Variants in NRTN observed in about 807,000 individuals in gnomAD.
NRTN encodes the protein prepro-neurturin.
Under a neutral mutation model 7.5 loss-of-function variants are expected in NRTN, and 3 were observed. The observed-to-expected ratio is 0.40, with a 90% CI of 0.18 to 1.03. The LOEUF (loss-of-function observed/expected upper bound fraction) is 1.03, where lower values mean the gene tolerates loss of function less well. Among genes scored for constraint, NRTN ranks in the 50% least tolerant of loss-of-function variants. NRTN has a pLI of 0.34. For missense variants in NRTN, 310 were observed against 307.0 expected (o/e 1.01, Z -0.07); for synonymous variants, 157 against 146.6 (o/e 1.07, Z -0.51).
At chr19:5,814,324 T>TCTG (rs1274270836) in intron 1 of NRTN, among the ~76,000 whole-genome samples, 1 of 152,158 alleles carries the variant, frequency 6.6e-6, no homozygotes, top group Admixed American at 6.6e-5. Context: ...GGGAAGGGTT[T>TCTG]CTGGTGGAGG....
At chr19:5,814,775 C>T (rs1428349530) in intron 1 of NRTN, among the ~76,000 whole-genome samples, 1 of 152,226 alleles carries the variant, frequency 6.6e-6, no homozygotes, top group African/African-American at 2.4e-5. Flanking sequence ...CCTTCCCCAG[C>T]TGTGGGGATT....
rs778565666 is a variant in NRTN at position 5,827,897 on chromosome 19, C to T, written c.318C>T (p.Arg106=). ...ARLGARPCGL[R]ELEVRVSELG... ...TGGGGGCGCGGCCTTGCGGGCTGCG[C>T]GAGCTGGAGGTGCGCGTGAGCGAGC... The change falls in exon 3 of 3, where the codon CGC becomes CGT. Residue 106 remains arginine, a synonymous_variant. Transcript: ENST00000303212. 1 of 1,400,204 alleles carries T rather than the reference C, an allele frequency of 7.1e-7. No individual in the cohort carries two copies. Among genetic ancestry groups the T allele is most frequent in the Non-Finnish European group, 9.3e-7 (1 of 1,074,098 alleles). 86.7% of individuals were successfully genotyped at this position (1,400,204 alleles called of 1,614,324 possible).
chr19:5,810,757 C>T (rs1331671566), intron 1 of NRTN, among the ~76,000 whole-genome samples: 2 of 151,762 alleles, frequency 1.3e-5, no homozygotes, highest in Non-Finnish European at 2.9e-5. Context: ...GGTGAAACCC[C>T]ATCTCTACTA....
intron 1 of NRTN, among the ~76,000 whole-genome samples, chr19:5,819,356 G>A (rs906956212): frequency 3.3e-5 from 5 of 151,878 alleles, no homozygotes; most frequent in African/African-American, 7.3e-5. Context: ...ATGAGACATC[G>A]TCTCTACAAA....
Position 5,823,916 on chromosome 19 carries a change from A to G in NRTN, c.-250A>G, listed in dbSNP as rs924639913. 3.4e-6 allele frequency: 2 copies of G among 595,170 alleles called. No individual in the cohort carries two copies. The highest frequency in any genetic ancestry group is 6.0e-6 in the Non-Finnish European group (2 of 333,320). 36.9% of individuals were successfully genotyped at this position (595,170 alleles called of 1,614,324 possible). On this transcript the variant is annotated 5_prime_UTR_variant, in exon 2 of 3. Transcript: ENST00000303212. ...CGTTTATTCAAGTCTGGACCTTGTC[A>G]TCGGCTCCTCAGGAAGGCACTCCGG...
At chr19:5,823,114 GAAAGAGAA>G (rs1335348606) in intron 1 of NRTN, among the ~76,000 whole-genome samples, 61 of 149,352 alleles carry the variant, frequency 4.1e-4, no homozygotes, top group Non-Finnish European at 6.5e-4. Flanking sequence ...AGGAAAGAAA[GAAAGAGAA>G]AGAGAGAGAG....
rs553914465 is a variant in NRTN at position 5,810,682 on chromosome 19, C to T, written c.-399+5231C>T. Among the ~76,000 whole-genome samples the T allele has an allele frequency of 2.6e-3, 394 of 152,090 alleles. 1 individual carries two copies. The highest frequency in any genetic ancestry group is 8.8e-3 in the African/African-American group (365 of 41,500). Reference sequence around the variant, plus strand: ...GGCGCAGTGGCTCGTGCCTGTAATCCCAGCACTTTGGGAGGCCGAGGCGGG... The same window carrying T: ...GGCGCAGTGGCTCGTGCCTGTAATCTCAGCACTTTGGGAGGCCGAGGCGGG... On this transcript the variant is annotated intron_variant, in intron 1 of 2. Coordinates refer to ENST00000303212, the MANE Select transcript of NRTN (RefSeq NM_004558.5).
At chr19:5,820,026 G>A (rs1005129229) in intron 1 of NRTN, among the ~76,000 whole-genome samples, 1 of 152,002 alleles carries the variant, frequency 6.6e-6, no homozygotes, top group South Asian at 2.1e-4. Flanking sequence ...CAGCACTTTG[G>A]GAGGCTGAGG....
intron 1 of NRTN, among the ~76,000 whole-genome samples, chr19:5,810,115 A>G (rs1435023298): frequency 6.6e-6 from 1 of 150,846 alleles, no homozygotes; most frequent in Non-Finnish European, 1.5e-5. Context: ...AATACAAAAA[A>G]AATTAGCTGG....
Position 5,806,198 on chromosome 19 carries a change from C to T in NRTN, c.-399+747C>T, listed in dbSNP as rs996185627. Among the ~76,000 whole-genome samples, 2 of 151,990 alleles carry T rather than the reference C, an allele frequency of 1.3e-5. No individual in the cohort carries two copies. The highest frequency in any genetic ancestry group is 2.1e-4 in the South Asian group (1 of 4,824). On this transcript the variant is annotated intron_variant, in intron 1 of 2. Transcript: ENST00000303212. This position sits in a 1 kb window ranked among gnomAD's most constrained non-coding sequence, Gnocchi z 5.4. ...TTTGTGGATTAGGAGTTATTAGGCC[C>T]AAGGGGGCTGCAGACAGATTAGTGG...
In NRTN at chr19:5,817,552, TAGGA is replaced by T. The variant is rs556508039; in HGVS notation, c.-398-6204_-398-6201del. Among the ~76,000 whole-genome samples the T allele has an allele frequency of 6.7e-3, 522 of 78,382 alleles. 5 individuals are homozygous for T. Among genetic ancestry groups the T allele is most frequent in the African/African-American group, 0.02 (417 of 20,852 alleles). 51.4% of individuals were successfully genotyped at this position (78,382 alleles called of 152,430 possible). A position where few individuals can be genotyped will look rare whatever the true frequency, so the allele number is the denominator to read the frequency against. On this transcript the variant is annotated intron_variant, in intron 1 of 2. Transcript: ENST00000303212. The stretch of plus-strand genomic sequence containing the variant: ...GGAAGAAAAAGAAAGAGAAAGGAAA[TAGGA>T]AGGAAGGAAGGGAGGGAGGGAGGGA...
intron 2 of NRTN, among the ~76,000 whole-genome samples, chr19:5,824,998 G>A (rs558191891): frequency 6.6e-6 from 1 of 152,036 alleles, no homozygotes. Context: ...GGCGCAGCAG[G>A]GGGGGCGGTG....
At chr19:5,813,794 C>T (rs1045660088) in intron 1 of NRTN, among the ~76,000 whole-genome samples, 3 of 151,578 alleles carry the variant, frequency 2.0e-5, no homozygotes, top group Non-Finnish European at 2.9e-5. Context: ...GAGCTGAGAT[C>T]GCACTGCTGC....
chr19:5,813,181 C>T (rs2056995345), intron 1 of NRTN, among the ~76,000 whole-genome samples: 1 of 150,728 alleles, frequency 6.6e-6, no homozygotes, highest in African/African-American at 2.4e-5. Context: ...TCGAGACCAG[C>T]CTGGGTAACA....
chr19:5,817,796 G>GTGTTT, intron 1 of NRTN, among the ~76,000 whole-genome samples: 1 of 152,094 alleles, frequency 6.6e-6, no homozygotes, highest in East Asian at 1.9e-4. Flanking sequence ...GAATGTGGGA[G>GTGTTT]TGTTTTGTTT....
chr19:5,811,569 G>A (rs1215932814), intron 1 of NRTN, among the ~76,000 whole-genome samples: 1 of 152,166 alleles, frequency 6.6e-6, no homozygotes, highest in Non-Finnish European at 1.5e-5. Context: ...GTCTCGCCCT[G>A]TCGCCTAGGC....
intron 1 of NRTN, among the ~76,000 whole-genome samples, chr19:5,805,989 C>A (rs1399103539): frequency 6.6e-6 from 1 of 152,132 alleles, no homozygotes; most frequent in Non-Finnish European, 1.5e-5. Context: ...AGGGCCGGGC[C>A]CTCTCGGCTC....
At chr19:5,810,871 C>G (rs905878187) in intron 1 of NRTN, among the ~76,000 whole-genome samples, 10 of 150,920 alleles carry the variant, frequency 6.6e-5, no homozygotes, top group East Asian at 2.0e-4. Context: ...AGAGGTTGCA[C>G]TGAGCTGAGA....
intron 1 of NRTN, among the ~76,000 whole-genome samples, chr19:5,817,616 G>A (rs549400012): frequency 4.9e-4 from 51 of 103,834 alleles, no homozygotes; most frequent in Admixed American, 4.9e-3. Context: ...GAGAGAGAGA[G>A]AAAGAAAAAG....
Sources: allele counts gnomAD v4.1 joint callset (sites outside exome capture counted in the v4.1 genomes callset), GRCh38; gene constraint gnomAD v4.1.1; non-coding constraint Gnocchi (gnomAD v3.1); transcripts MANE v1.5; gene names NCBI Gene and HGNC (gene_info 2026-07-23, HGNC 2026-07-21).